RBFOX1: variants seen among roughly 807,000 people sequenced by gnomAD.
RBFOX1 encodes the protein RNA binding fox-1 homolog 1.
In RBFOX1, 8 loss-of-function variants were observed where a neutral mutation model predicts 57.7. The observed-to-expected ratio is 0.14, with a 90% CI of 0.08 to 0.25. The LOEUF (loss-of-function observed/expected upper bound fraction) is 0.25. Among genes scored for constraint, RBFOX1 ranks in the 10% least tolerant of loss-of-function variants. The pLI is 1.00. For missense variants in RBFOX1, 611 were observed against 548.5 expected, an observed-to-expected ratio of 1.11 and a Z score of -1.14; for synonymous variants, 326 against 222.4, an observed-to-expected ratio of 1.47 and a Z score of -4.15.
chr16:6,065,684 A>T (rs948444069), intron 1 of RBFOX1, among the ~76,000 whole-genome samples: 3 of 152,188 alleles, frequency 2.0e-5, no homozygotes, highest in Non-Finnish European at 4.4e-5. Flanking sequence ...TGGTTAGAAG[A>T]CCTGGCTTTG....
intron 1 of RBFOX1, among the ~76,000 whole-genome samples, chr16:6,264,216 C>G (rs567873430): frequency 2.0e-5 from 3 of 152,134 alleles, no homozygotes. Context: ...ATCACTTTGA[C>G]TACCAATTTT....
chr16:6,747,682 A>T (rs765379394), intron 3 of RBFOX1, among the ~76,000 whole-genome samples: 1 of 152,104 alleles, frequency 6.6e-6, no homozygotes, highest in African/African-American at 2.4e-5. Context: ...TGTCCTTCTG[A>T]TTGCTGCCTT....
chr16:6,167,183 C>G (rs1018178948), intron 1 of RBFOX1, among the ~76,000 whole-genome samples: 1 of 152,232 alleles, frequency 6.6e-6, no homozygotes, highest in Non-Finnish European at 1.5e-5. Flanking sequence ...ATGGGAAGAG[C>G]CGAAACACGC....
intron 1 of RBFOX1, among the ~76,000 whole-genome samples, chr16:6,210,894 C>G (rs562336311): frequency 1.3e-5 from 2 of 152,230 alleles, no homozygotes; most frequent in African/African-American, 4.8e-5. Context: ...GCTGATACCA[C>G]TTTCTCTTAG....
At chr16:7,357,845 T>C (rs1379346957) in intron 4 of RBFOX1, among the ~76,000 whole-genome samples, 1 of 152,240 alleles carries the variant, frequency 6.6e-6, no homozygotes, top group African/African-American at 2.4e-5. Flanking sequence ...CTCTAAGGCT[T>C]CTTTTCCATT....
chr16:6,497,318 T>C (rs1356689436), intron 2 of RBFOX1, among the ~76,000 whole-genome samples: 1 of 152,114 alleles, frequency 6.6e-6, no homozygotes, highest in East Asian at 1.9e-4. Flanking sequence ...AAAGATGCAG[T>C]ATGTTGTTGA....
intron 4 of RBFOX1, among the ~76,000 whole-genome samples, chr16:7,248,783 A>G (rs1347029043): frequency 6.6e-6 from 1 of 152,240 alleles, no homozygotes; most frequent in Non-Finnish European, 1.5e-5. Context: ...AGGCAGAGAT[A>G]TATCAGGGAA....
In RBFOX1 at chr16:6,865,360, G is replaced by T. The variant is rs146333050; in HGVS notation, c.-15-186697G>T. ...ACTTGAATAATATGTGTTCATTGTA[G>T]ATAACATGAAAAATGCAGAAAAACA... On this transcript the variant is annotated intron_variant, in intron 3 of 15. Transcript: ENST00000550418. Among the ~76,000 whole-genome samples the T allele has an allele frequency of 4.8e-3, 728 of 152,112 alleles. 7 individuals are homozygous for T. Among genetic ancestry groups the T allele is most frequent in the African/African-American group, 0.016 (681 of 41,480 alleles).
chr16:7,071,971 T>C (rs1350091175), intron 4 of RBFOX1, among the ~76,000 whole-genome samples: 1 of 152,162 alleles, frequency 6.6e-6, no homozygotes, highest in Admixed American at 6.5e-5. Context: ...ATTCCTAATA[T>C]CTCTTAAGTC....
intron 4 of RBFOX1, among the ~76,000 whole-genome samples, chr16:7,116,972 A>G (rs1323747556): frequency 3.9e-5 from 6 of 152,138 alleles, no homozygotes; most frequent in Non-Finnish European, 7.4e-5. Flanking sequence ...GGGAAAGTCC[A>G]TAGAGAAGGG....
chr16:7,462,264 G>A lies in RBFOX1; in HGVS notation c.28-55883G>A, dbSNP rs531378555. On this transcript the variant is annotated intron_variant, in intron 4 of 15. Coordinates refer to ENST00000550418, the MANE Select transcript of RBFOX1 (RefSeq NM_018723.4). ...AACAAATCACCACAAATTTAACAGA[G>A]TAAAAGAAACACCCGGGGTCAGGAG... Among the ~76,000 whole-genome samples the A allele has an allele frequency of 6.0e-4, 92 of 152,316 alleles. 3 individuals are homozygous for A. The South Asian group carries it at 0.018, about 31-fold the overall frequency.
At chr16:7,339,579 G>A (rs866109039) in intron 4 of RBFOX1, among the ~76,000 whole-genome samples, 9 of 152,100 alleles carry the variant, frequency 5.9e-5, no homozygotes, top group East Asian at 3.9e-4. Context: ...ATCTGGGACC[G>A]TGGGCATGCA....
At chr16:6,992,747 G>A (rs1194431222) in intron 3 of RBFOX1, among the ~76,000 whole-genome samples, 1 of 148,958 alleles carries the variant, frequency 6.7e-6, no homozygotes, top group Non-Finnish European at 1.5e-5. Flanking sequence ...GAGGTCACAT[G>A]ATCTACCCAA....
intron 3 of RBFOX1, among the ~76,000 whole-genome samples, chr16:6,855,845 C>CTGTCCCTCCCTG (rs1246213144): frequency 8.7e-6 from 1 of 114,674 alleles, no homozygotes. Flanking sequence ...TTCCCTCCCT[C>CTGTCCCTCCCTG]TTTCCCTCCC....
chr16:7,047,716 C>CTTTTTTTTTTTTTTTTTTTTTTTTTTTT (rs55636828), intron 3 of RBFOX1, among the ~76,000 whole-genome samples: 3 of 47,938 alleles, frequency 6.3e-5, no homozygotes, highest in Non-Finnish European at 9.5e-5. Context: ...TCCTGCATTT[C>CTTTTTTTTTTTTTTTTTTTTTTTTTTTT]TTTTTTTTTT....
intron 4 of RBFOX1, among the ~76,000 whole-genome samples, chr16:7,109,317 G>T (rs1475944995): frequency 6.6e-6 from 1 of 152,074 alleles, no homozygotes; most frequent in Non-Finnish European, 1.5e-5. Context: ...ACCATGCCGT[G>T]AAACAAAGAG....
chr16:7,305,421 G>T (rs2096156383), intron 4 of RBFOX1, among the ~76,000 whole-genome samples: 1 of 152,084 alleles, frequency 6.6e-6, no homozygotes, highest in Admixed American at 6.5e-5. Context: ...GAACTGAAGG[G>T]CTAGAAGGGG....
chr16:6,977,150 C>CATATATTATCATATATATGATATATATT (rs2087210337), intron 3 of RBFOX1, among the ~76,000 whole-genome samples: 1 of 100,074 alleles, frequency 1.0e-5, no homozygotes, highest in African/African-American at 4.5e-5. Flanking sequence ...TTATATATAT[C>CATATATTATCATATATATGATATATATT]ATATATATCA....
rs901012314 is a variant in RBFOX1, at chr16:5,916,177, T to C, written c.351+48842T>C. Among the ~76,000 whole-genome samples, 7 of 148,236 alleles carry C rather than the reference T, an allele frequency of 4.7e-5. No homozygotes were observed. In the Admixed American group the frequency reaches 4.8e-4, roughly 10 times the overall value. On this transcript the variant is annotated intron_variant, in intron 4 of 19. Coordinates refer to the RBFOX1 transcript ENST00000641259. ...CTGAAAATTCGTTTGGTGTCTGAACTGTCTCCCTGACACTCTAGCAAAAAA... is the reference window on the plus strand; with the variant it reads ...CTGAAAATTCGTTTGGTGTCTGAACCGTCTCCCTGACACTCTAGCAAAAAA...
Sources: allele counts gnomAD v4.1 joint callset (sites outside exome capture counted in the v4.1 genomes callset), GRCh38; gene constraint gnomAD v4.1.1; transcripts MANE v1.5; gene names NCBI Gene and HGNC (gene_info 2026-07-23, HGNC 2026-07-21).